Variants in NTAQ1 observed in about 807,000 individuals in gnomAD.
NTAQ1 encodes the protein N-terminal glutamine amidase 1.
Under a neutral mutation model 28.2 loss-of-function variants are expected in NTAQ1, and 21 were observed. That is an observed-to-expected ratio of 0.74 (90% confidence interval 0.53 to 1.07). The LOEUF is 1.07. Among genes scored for constraint, NTAQ1 ranks in the 50% least tolerant of loss-of-function variants. The probability of loss-of-function intolerance (pLI) is 0.00; values close to 1 mark genes in which losing one functional copy is unlikely to be tolerated. For synonymous variants in NTAQ1, 105 were observed against 90.0 expected, an observed-to-expected ratio of 1.17 and a Z score of -0.94; for missense variants, 264 against 256.6, an observed-to-expected ratio of 1.03 and a Z score of -0.20.
chr8:123,422,625 C>A (rs1001381407), intron 1 of NTAQ1, among the ~76,000 whole-genome samples: 3 of 122,088 alleles, frequency 2.5e-5, no homozygotes, highest in Non-Finnish European at 4.8e-5. Context: ...TTTTTTTTTG[C>A]TGTGCAGAGC....
rs1814303405 is a variant in NTAQ1, at chr8:123,430,019, G to A, written c.220G>A (p.Gly74Arg). 1 of 1,613,102 alleles carries A rather than the reference G, an allele frequency of 6.2e-7. No homozygotes were observed. The highest frequency in any genetic ancestry group is 1.1e-5 in the South Asian group (1 of 90,968). ...IWKQQARPGD[G>R]PVIWDYHVVL... is the part of the protein sequence containing the mutation. ...GAAACAACAGGCGAGACCTGGAGAT[G>A]GACCTGTGATCTGGGTAAGACAGTT... Residue 74 changes from glycine (G) to arginine (R), a missense_variant, in exon 3 of 6, where the codon GGA (glycine) becomes AGA (arginine). Gly to Arg is a moderately radical substitution (Grantham distance 125). Transcript: ENST00000287387.
intron 6 of NTAQ1, among the ~76,000 whole-genome samples, chr8:123,464,721 G>A (rs570608035): frequency 1.3e-5 from 2 of 152,284 alleles, no homozygotes; most frequent in South Asian, 2.1e-4. Context: ...GTTTGTTGGG[G>A]CAAGAGATGA....
downstream of NTAQ1, among the ~76,000 whole-genome samples, chr8:123,449,540 G>A (rs1304595466): frequency 1.3e-5 from 2 of 152,056 alleles, no homozygotes; most frequent in Non-Finnish European, 2.9e-5. Context: ...CTGTATCACT[G>A]CCCTGGTGAT....
chr8:123,428,459 A>G (rs1278497568), intron 2 of NTAQ1, among the ~76,000 whole-genome samples: 2 of 152,030 alleles, frequency 1.3e-5, no homozygotes, highest in African/African-American at 4.8e-5. Context: ...CAGCCCCCCA[A>G]AGTGCTGGGA....
At chr8:123,471,801 C>CA (rs1169919538), downstream of NTAQ1, among the ~76,000 whole-genome samples, 6 of 152,180 alleles carry the variant, frequency 3.9e-5, no homozygotes, top group Non-Finnish European at 7.3e-5. Flanking sequence ...TTTACTCTGT[C>CA]TACCAATATA....
At chr8:123,432,499 G>A (rs1392527700) in intron 3 of NTAQ1, among the ~76,000 whole-genome samples, 1 of 151,784 alleles carries the variant, frequency 6.6e-6, no homozygotes, top group Non-Finnish European at 1.5e-5. Context: ...AATTAGCGTG[G>A]TGGTGGGCGC....
At chr8:123,449,203 A>G (rs1230924045), downstream of NTAQ1, among the ~76,000 whole-genome samples, 1 of 152,220 alleles carries the variant, frequency 6.6e-6, no homozygotes, top group African/African-American at 2.4e-5. Flanking sequence ...TGACAGCAGT[A>G]CACACCATGA....
chr8:123,436,608 A>G lies in NTAQ1; in HGVS notation c.383+7A>G, dbSNP rs1563892150. ...TTCACCCACAGTTTAGGAGGTGAGG[A>G]CATTCAAGATGGATTTACTTATTTT... On this transcript the variant is annotated splice_region_variant and intron_variant, in intron 4 of 5. Coordinates refer to ENST00000287387, the MANE Select transcript of NTAQ1 (RefSeq NM_018024.3). 6.2e-7 allele frequency: 1 copy of G among 1,609,360 alleles called. No homozygotes were observed. Among genetic ancestry groups the G allele is most frequent in the South Asian group, 1.1e-5 (1 of 89,546 alleles).
chr8:123,462,229 G>C (rs558753216), intron 6 of NTAQ1, among the ~76,000 whole-genome samples: 1 of 152,128 alleles, frequency 6.6e-6, no homozygotes, highest in South Asian at 2.1e-4. Flanking sequence ...TGTATTTTTA[G>C]TATAGAAAGG....
At chr8:123,420,291 T>C (rs934718449) in intron 1 of NTAQ1, among the ~76,000 whole-genome samples, 1 of 152,218 alleles carries the variant, frequency 6.6e-6, no homozygotes, top group African/African-American at 2.4e-5. Flanking sequence ...GGATGATATA[T>C]ACCACATTTT....
At chr8:123,437,873 G>A (rs1814822650) in intron 5 of NTAQ1, among the ~76,000 whole-genome samples, 1 of 152,158 alleles carries the variant, frequency 6.6e-6, no homozygotes, top group Non-Finnish European at 1.5e-5. Context: ...ATCAGAACCA[G>A]GGCACCTGCA....
chr8:123,475,378 C>A, the NTAQ1 span, among the ~76,000 whole-genome samples: 7 of 152,126 alleles, frequency 4.6e-5, no homozygotes, highest in Non-Finnish European at 1.5e-5. Flanking sequence ...ACTTAGGAAC[C>A]AAGATCTTGG....
chr8:123,452,742 A>T, downstream of NTAQ1, among the ~76,000 whole-genome samples: 1 of 105,856 alleles, frequency 9.4e-6, no homozygotes, highest in African/African-American at 3.2e-5. Context: ...TCTTTACTAA[A>T]AATACAAAAA....
chr8:123,424,501 C>T (rs946972186), intron 1 of NTAQ1, among the ~76,000 whole-genome samples: 29 of 152,136 alleles, frequency 1.9e-4, no homozygotes, highest in African/African-American at 6.8e-4. Flanking sequence ...TTCGGCCTCC[C>T]AGAGTGCTGG....
chr8:123,454,076 C>T (rs529712754), intron 6 of NTAQ1, among the ~76,000 whole-genome samples: 1 of 152,278 alleles, frequency 6.6e-6, no homozygotes, highest in African/African-American at 2.4e-5. Flanking sequence ...CACAGCTGTC[C>T]ACCTGAAGTA....
At chr8:123,431,654 G>A (rs1814402993) in intron 3 of NTAQ1, among the ~76,000 whole-genome samples, 1 of 152,214 alleles carries the variant, frequency 6.6e-6, no homozygotes, top group Non-Finnish European at 1.5e-5. Flanking sequence ...AGGAGCACAG[G>A]CTCTGGAGTT....
chr8:123,427,989 G>A lies in NTAQ1; in HGVS notation c.149G>A (p.Cys50Tyr). 1 of 1,610,936 alleles carries A rather than the reference G, an allele frequency of 6.2e-7. No individual in the cohort carries two copies. ...CATGACCAGTATCCTTTAGAAGAATGTTATGCTGTCTTCATATCTAATGAG... is the reference window on the plus strand; with the variant it reads ...CATGACCAGTATCCTTTAGAAGAATATTATGCTGTCTTCATATCTAATGAG... Reference protein sequence around the residue: ...KNHDQYPLEECYAVFISNERK... With the variant: ...KNHDQYPLEEYYAVFISNERK... Residue 50 changes from cysteine to tyrosine, a missense_variant, in exon 2 of 6, where the codon TGT (cysteine) becomes TAT (tyrosine). Cys to Tyr is a radical substitution (Grantham distance 194, BLOSUM62 -2). Coordinates refer to ENST00000287387, the MANE Select transcript of NTAQ1 (RefSeq NM_018024.3).
intron 4 of NTAQ1, 81 bp downstream of exon 4, chr8:123,436,682 A>G: frequency 1.4e-6 from 2 of 1,478,800 alleles, no homozygotes; most frequent in South Asian, 1.3e-5. Context: ...TTTTTTTGAC[A>G]ATTGTTTTGT....
intron 2 of NTAQ1, among the ~76,000 whole-genome samples, 193 bp from the exon 3 acceptor site, chr8:123,429,790 G>A (rs893057053): frequency 6.8e-6 from 1 of 147,048 alleles, no homozygotes; most frequent in African/African-American, 2.5e-5. Flanking sequence ...TGAGGCAGGA[G>A]AATTGCTTGA....
Sources: gnomAD v4.1 joint callset for allele counts (sites outside exome capture counted in the v4.1 genomes callset) on GRCh38, gnomAD v4.1.1 for gene constraint, MANE v1.5 for transcripts, NCBI Gene and HGNC (gene_info 2026-07-23, HGNC 2026-07-21) for gene names.